The following PTCD2 variants were observed in gnomAD, a reference collection of about 807,000 sequenced individuals.
PTCD2 encodes pentatricopeptide repeat domain 2.
A neutral mutation model predicts 42.6 loss-of-function variants in PTCD2; 31 were observed. The observed-to-expected ratio is 0.73, with a 90% CI of 0.55 to 0.98. The LOEUF (loss-of-function observed/expected upper bound fraction) is 0.98, where lower values mean the gene tolerates loss of function less well. Among genes scored for constraint, PTCD2 ranks in the 50% least tolerant of loss-of-function variants. The pLI, the probability that PTCD2 is intolerant of heterozygous loss-of-function variation, is 0.00. For missense variants in PTCD2, 476 were observed against 454.8 expected (o/e 1.05, Z -0.42); for synonymous variants, 183 against 170.9 (o/e 1.07, Z -0.55).
intron 7 of PTCD2, among the ~76,000 whole-genome samples, chr5:72,342,102 A>G (rs1272399507): frequency 6.6e-6 from 1 of 152,082 alleles, no homozygotes; most frequent in Admixed American, 6.5e-5. Context: ...AAAATAAAAG[A>G]AAAACGTGTT....
intron 8 of PTCD2, among the ~76,000 whole-genome samples, chr5:72,343,403 A>T (rs926527234): frequency 3.9e-5 from 6 of 152,224 alleles, no homozygotes; most frequent in Admixed American, 2.0e-4. Context: ...AGAGAAACCC[A>T]TGTGCCAACT....
In PTCD2 at chr5:72,365,186, C is replaced by G. The variant is rs1211463607; in HGVS notation, c.*6759C>G. The stretch of plus-strand genomic sequence containing the variant: ...ATAGGAGAGGAAGGCCTCATTTAAT[C>G]AGGAGAAGAAAGAGAACCAGGGGCC... On this transcript the variant is annotated 3_prime_UTR_variant, in exon 10 of 10. Transcript: ENST00000380639. 2 of 152,326 alleles carry G rather than the reference C, an allele frequency of 1.3e-5. No homozygotes were observed. Among genetic ancestry groups the G allele is most frequent in the Non-Finnish European group, 2.9e-5 (2 of 68,154 alleles). 9.4% of individuals were successfully genotyped at this position (152,326 alleles called of 1,614,324 possible).
rs1275655439 is a variant in PTCD2 at position 72,366,816 on chromosome 5, T to C, written c.*8389T>C. Reference sequence around the variant, plus strand: ...ATGTAAGTATCATGCAATGTGTCCATGTGCGTGTACACGTGAGCACACATG... The same window carrying C: ...ATGTAAGTATCATGCAATGTGTCCACGTGCGTGTACACGTGAGCACACATG... On this transcript the variant is annotated 3_prime_UTR_variant, in exon 10 of 10. Transcript: ENST00000380639. 2 of 152,268 alleles carry C rather than the reference T, an allele frequency of 1.3e-5. No homozygotes were observed. The highest frequency in any genetic ancestry group is 3.8e-4 in the East Asian group (2 of 5,196). 9.4% of individuals were successfully genotyped at this position (152,268 alleles called of 1,614,324 possible).
chr5:72,334,145 C>T (rs1484721907), intron 4 of PTCD2, among the ~76,000 whole-genome samples: 2 of 152,100 alleles, frequency 1.3e-5, no homozygotes, highest in Admixed American at 6.5e-5. Context: ...GGATTACAGG[C>T]GTGAGCCACC....
At chr5:72,332,080 T>G (rs1751467885) in intron 4 of PTCD2, among the ~76,000 whole-genome samples, 1 of 152,218 alleles carries the variant, frequency 6.6e-6, no homozygotes, top group African/African-American at 2.4e-5. Context: ...AAGCTTAGAC[T>G]GCTTTTCATG....
intron 7 of PTCD2, 115 bp downstream of exon 7, chr5:72,338,850 T>C: frequency 1.8e-6 from 1 of 549,462 alleles, no homozygotes; most frequent in Non-Finnish European, 3.3e-6. Context: ...GTAGTCACCA[T>C]AAAGAGACCA....
In PTCD2 at chr5:72,355,900, T is replaced by C. The variant is rs530083806; in HGVS notation, c.943-2303T>C. On this transcript the variant is annotated intron_variant, in intron 9 of 9. Coordinates refer to ENST00000380639, the MANE Select transcript of PTCD2 (RefSeq NM_024754.5). ...CAGGCTGAAGGCTGAGACAGCAGGATTGGCACTAGAGGGCAGTGGCTGCTT... is the reference window on the plus strand; with the variant it reads ...CAGGCTGAAGGCTGAGACAGCAGGACTGGCACTAGAGGGCAGTGGCTGCTT... Among the ~76,000 whole-genome samples the C allele has an allele frequency of 3.9e-5, 6 of 152,316 alleles. 1 individual carries two copies. The highest frequency in any genetic ancestry group is 1.4e-4 in the African/African-American group (6 of 41,572).
Position 72,320,525 on chromosome 5 carries a change from G to T in PTCD2, c.127+16G>T. 1.2e-6 allele frequency: 2 copies of T among 1,613,276 alleles called. No individual in the cohort carries two copies. Among genetic ancestry groups the T allele is most frequent in the African/African-American group, 2.7e-5 (2 of 75,042 alleles). ...CCTCTCGGAGGTATCCGCGGCTTTA[G>T]CCTAGGGAAGGAGGGGAGGGATGGG... On this transcript the variant is annotated intron_variant, in intron 1 of 9. Coordinates refer to ENST00000380639, the MANE Select transcript of PTCD2 (RefSeq NM_024754.5).
chr5:72,323,383 G>T (rs1750963792), intron 2 of PTCD2, among the ~76,000 whole-genome samples: 1 of 152,078 alleles, frequency 6.6e-6, no homozygotes, highest in South Asian at 2.1e-4. Flanking sequence ...TTCAGCACCT[G>T]AAAAATCTTG....
chr5:72,363,075 G>T lies in PTCD2; in HGVS notation c.*4648G>T, dbSNP rs1190339387. The T allele has an allele frequency of 4.6e-5, 7 of 152,196 alleles. No homozygotes were observed. The highest frequency in any genetic ancestry group is 1.0e-4 in the Non-Finnish European group (7 of 68,030). 9.4% of individuals were successfully genotyped at this position (152,196 alleles called of 1,614,324 possible). ...AAAATGTAGGCTTCTCTGTTTCTTT[G>T]CAGTGAACTAAAACTTCTTATGAAC... On this transcript the variant is annotated 3_prime_UTR_variant, in exon 10 of 10. Coordinates refer to ENST00000380639, the MANE Select transcript of PTCD2 (RefSeq NM_024754.5).
rs1753074010 is a variant in PTCD2, at chr5:72,360,727, C to T, written c.*2300C>T. The T allele has an allele frequency of 6.6e-6, 1 of 151,320 alleles. No homozygotes were observed. The highest frequency in any genetic ancestry group is 6.6e-5 in the Admixed American group (1 of 15,218). 9.4% of individuals were successfully genotyped at this position (151,320 alleles called of 1,614,324 possible). ...TGAGACACAATTTCACTCTGTCGCC[C>T]AGGCTGGAGTGCAGTGGTGTGATCT... On this transcript the variant is annotated 3_prime_UTR_variant, in exon 10 of 10. Transcript: ENST00000380639.
chr5:72,337,383 C>CA (rs930256007), intron 6 of PTCD2, among the ~76,000 whole-genome samples: 185 of 144,228 alleles, frequency 1.3e-3, no homozygotes, highest in Middle Eastern at 7.0e-3. Context: ...TCTAGGAGGC[C>CA]AAAAAAAAAA....
intron 9 of PTCD2, among the ~76,000 whole-genome samples, chr5:72,354,338 T>A (rs1165762876): frequency 8.0e-6 from 1 of 125,190 alleles, no homozygotes; most frequent in Non-Finnish European, 1.6e-5. Context: ...GAGTCGAGAT[T>A]GCGCCACTGC....
rs1156880262 is a variant in PTCD2, at chr5:72,365,811, G to A, written c.*7384G>A. On this transcript the variant is annotated 3_prime_UTR_variant, in exon 10 of 10. Transcript: ENST00000380639. ...ATTTCCAATTTAGAAGATCATAATC[G>A]ATTTTTAACACATTGGTCCTTAGGT... The A allele has an allele frequency of 1.3e-5, 2 of 152,126 alleles. No homozygotes were observed. Among genetic ancestry groups the A allele is most frequent in the Non-Finnish European group, 2.9e-5 (2 of 68,014 alleles). The allele number at this position is 152,126 out of a possible 1,614,324, so 9.4% of individuals were successfully genotyped here.
chr5:72,331,006 A>G (rs1277166306), intron 3 of PTCD2, among the ~76,000 whole-genome samples: 3 of 152,218 alleles, frequency 2.0e-5, no homozygotes, highest in Non-Finnish European at 4.4e-5. Flanking sequence ...TGATTACAAC[A>G]TACGTTTTTC....
At chr5:72,355,990 T>A (rs1001695507) in intron 9 of PTCD2, among the ~76,000 whole-genome samples, 4 of 152,204 alleles carry the variant, frequency 2.6e-5, no homozygotes, top group Admixed American at 6.5e-5. Context: ...CCCAAAGGCT[T>A]CTTCCTTCTG....
chr5:72,341,172 G>A (rs1752039320), intron 7 of PTCD2, among the ~76,000 whole-genome samples: 1 of 151,928 alleles, frequency 6.6e-6, no homozygotes, highest in Non-Finnish European at 1.5e-5. Flanking sequence ...TTGTATTTTA[G>A]TAGAGACAGG....
chr5:72,334,774 C>T (rs1318236365), intron 4 of PTCD2, among the ~76,000 whole-genome samples: 1 of 152,090 alleles, frequency 6.6e-6, no homozygotes, highest in Non-Finnish European at 1.5e-5. Flanking sequence ...TGGTCTTGAA[C>T]TTCTGACCTC....
At chr5:72,336,794 A>G (rs1751768139) in intron 6 of PTCD2, among the ~76,000 whole-genome samples, 1 of 151,968 alleles carries the variant, frequency 6.6e-6, no homozygotes, top group African/African-American at 2.4e-5. Context: ...TTCAATGTTT[A>G]GTGAATGATC....
Sources: allele counts gnomAD v4.1 joint callset (sites outside exome capture counted in the v4.1 genomes callset), GRCh38; gene constraint gnomAD v4.1.1; transcripts MANE v1.5; gene names NCBI Gene and HGNC (gene_info 2026-07-23, HGNC 2026-07-21).